REV1: variants seen among roughly 807,000 people sequenced by gnomAD.
The protein encoded by REV1 is translesion synthesis protein REV1.
Under a neutral mutation model 137.4 loss-of-function variants are expected in REV1, and 42 were observed. The observed-to-expected ratio is 0.31, with a 90% CI of 0.24 to 0.40. The LOEUF (loss-of-function observed/expected upper bound fraction) is 0.40, where lower values mean the gene tolerates loss of function less well. Ranked by LOEUF, REV1 falls within the 10% of genes least tolerant of loss-of-function variation. REV1 has a pLI of 1.00. For synonymous variants in REV1, 524 were observed against 519.2 expected, an observed-to-expected ratio of 1.01 and a Z score of -0.12; for missense variants, 1,282 against 1,490.1, an observed-to-expected ratio of 0.86 and a Z score of 2.30.
chr2:99,483,293 A>G (rs1686813661), intron 1 of REV1, among the ~76,000 whole-genome samples: 1 of 152,228 alleles, frequency 6.6e-6, no homozygotes, highest in Non-Finnish European at 1.5e-5. Context: ...GTCCATTCCT[A>G]GAAATAGCAA....
intron 6 of REV1, 106 bp downstream of exon 6, chr2:99,438,491 TAGAG>T (rs1183482008): frequency 2.7e-6 from 2 of 739,202 alleles, no homozygotes; most frequent in Non-Finnish European, 4.5e-6. Context: ...TTGACATACT[TAGAG>T]ACTTTTATGA....
rs374888832 is a variant in REV1 at position 99,459,025 on chromosome 2, G to A, written c.181+3471C>T. On this transcript the variant is annotated intron_variant, in intron 3 of 22. Coordinates refer to ENST00000258428, the MANE Select transcript of REV1 (RefSeq NM_016316.4). ...AGATCAAGACCATACTGGCTAACAC[G>A]GTGAAACCCCGTCTCTACTAAAAAT... Among the ~76,000 whole-genome samples the A allele has an allele frequency of 1.2e-4, 19 of 152,108 alleles. 1 individual carries two copies. The highest frequency in any genetic ancestry group is 7.2e-4 in the Admixed American group (11 of 15,282).
At chr2:99,476,252 C>A (rs1198179551) in intron 1 of REV1, among the ~76,000 whole-genome samples, 1 of 152,078 alleles carries the variant, frequency 6.6e-6, no homozygotes, top group Non-Finnish European at 1.5e-5. Flanking sequence ...GGGAGGTAAC[C>A]TCTAAGCCCT....
chr2:99,454,906 C>A (rs1320425242), intron 3 of REV1, among the ~76,000 whole-genome samples: 3 of 152,170 alleles, frequency 2.0e-5, no homozygotes, highest in African/African-American at 2.4e-5. Flanking sequence ...ATTTAGCCCA[C>A]GTTTAGACCT....
In REV1 at chr2:99,449,321, A is replaced by C. The variant is rs747424620; in HGVS notation, c.350+15T>G. ...TTTAAAAATTTATTAATTAAATTTA[A>C]TAAATTAAACTTACCTTTCCACAAT... On this transcript the variant is annotated intron_variant, in intron 4 of 22. Transcript: ENST00000258428. 3.7e-5 allele frequency: 52 copies of C among 1,412,094 alleles called. No homozygotes were observed. Among genetic ancestry groups the C allele is most frequent in the Admixed American group, 1.3e-4 (5 of 39,556 alleles). The allele number at this position is 1,412,094 out of a possible 1,614,324, so 87.5% of individuals were successfully genotyped here. A position where few individuals can be genotyped will look rare whatever the true frequency, so the allele number is the denominator to read the frequency against.
At chr2:99,477,646 T>C (rs1248354426) in intron 1 of REV1, among the ~76,000 whole-genome samples, 1 of 152,220 alleles carries the variant, frequency 6.6e-6, no homozygotes, top group Non-Finnish European at 1.5e-5. Context: ...ATGTACTGTA[T>C]AAAAAATATT....
intron 8 of REV1, among the ~76,000 whole-genome samples, chr2:99,430,265 G>A (rs1679951045): frequency 1.3e-5 from 2 of 152,000 alleles, no homozygotes; most frequent in Non-Finnish European, 2.9e-5. Context: ...ACATGGATGA[G>A]AAGTGATCAG....
chr2:99,488,089 G>T lies in REV1; in HGVS notation c.-11+1728C>A, dbSNP rs1022234705. The stretch of plus-strand genomic sequence containing the variant: ...GTAGGGCCAGAAATCTAACCTCCAT[G>T]TAACTGTGAACTTCCTGTCTTTCCA... On this transcript the variant is annotated intron_variant, in intron 1 of 22. Coordinates refer to ENST00000258428, the MANE Select transcript of REV1 (RefSeq NM_016316.4). Among the ~76,000 whole-genome samples, 3 of 118,652 alleles carry T rather than the reference G, an allele frequency of 2.5e-5. 1 individual carries two copies. Among genetic ancestry groups the T allele is most frequent in the African/African-American group, 9.1e-5 (3 of 33,094 alleles). The allele number at this position is 118,652 out of a possible 152,430, so 77.8% of individuals were successfully genotyped here. A position where few individuals can be genotyped will look rare whatever the true frequency, so the allele number is the denominator to read the frequency against.
chr2:99,474,918 A>G (rs1003404998), intron 1 of REV1, among the ~76,000 whole-genome samples: 2 of 152,094 alleles, frequency 1.3e-5, no homozygotes, highest in Non-Finnish European at 2.9e-5. Flanking sequence ...GAAAAAAAAA[A>G]AAGAAGTAGA....
At chr2:99,452,703 G>A (rs943508659) in intron 3 of REV1, among the ~76,000 whole-genome samples, 1 of 152,214 alleles carries the variant, frequency 6.6e-6, no homozygotes, top group Non-Finnish European at 1.5e-5. Context: ...GGTGCTCAGT[G>A]AGTATTTGCT....
chr2:99,464,805 A>G, intron 2 of REV1, 117 bp downstream of exon 2: 1 of 928,780 alleles, frequency 1.1e-6, no homozygotes, highest in Non-Finnish European at 1.7e-6. Flanking sequence ...GAAAACTCAA[A>G]GATGTGGTGT....
intron 6 of REV1, among the ~76,000 whole-genome samples, chr2:99,437,042 GC>G (rs1284973492): frequency 6.1e-5 from 9 of 147,076 alleles, no homozygotes; most frequent in Non-Finnish European, 1.3e-4. Context: ...AGTCTGGAGT[GC>G]AGTGGTGCGA....
chr2:99,407,457 AAGG>A (rs201333281), intron 15 of REV1, among the ~76,000 whole-genome samples: 2,089 of 151,682 alleles, frequency 0.014, 21 homozygotes, highest in South Asian at 0.04. Flanking sequence ...GAGGCTGAAG[AAGG>A]AGAATTGCTT....
intron 22 of REV1, among the ~76,000 whole-genome samples, chr2:99,401,909 T>C (rs1246760175): frequency 1.3e-5 from 2 of 151,674 alleles, no homozygotes; most frequent in Non-Finnish European, 2.9e-5. Context: ...CCCCAGATTA[T>C]TTATTTTTTG....
rs1431989081 is a variant in REV1 at position 99,421,508 on chromosome 2, C to A, written c.1822G>T (p.Val608Phe). 6.2e-7 allele frequency: 1 copy of A among 1,613,668 alleles called. No homozygotes were observed. Among genetic ancestry groups the A allele is most frequent in the African/African-American group, 1.3e-5 (1 of 74,924 alleles). The change falls in exon 11 of 23, where the codon GTT becomes TTT. Residue 608 changes from valine (V) to phenylalanine (F), a missense_variant. By Grantham distance (50) the Val-to-Phe change is conservative. Around this residue, in one of 7 missense-constraint regions of REV1, gnomAD observed 372 missense variants for 482.3 expected, o/e 0.77. Coordinates refer to ENST00000258428, the MANE Select transcript of REV1 (RefSeq NM_016316.4). ...TAAGCTAGATACTAACCAATTCCAACAGAGGCAGCACATTTCGTCTGGTCT... is the reference window on the plus strand; with the variant it reads ...TAAGCTAGATACTAACCAATTCCAAAAGAGGCAGCACATTTCGTCTGGTCT... ...IKDQTKCAAS[V>F]GIGSNILLAR...
At chr2:99,407,396 C>A (rs1337143911) in intron 15 of REV1, among the ~76,000 whole-genome samples, 1 of 151,136 alleles carries the variant, frequency 6.6e-6, no homozygotes, top group African/African-American at 2.4e-5. Flanking sequence ...ACCAAAAATA[C>A]AAAAAATTAG....
intron 9 of REV1, among the ~76,000 whole-genome samples, chr2:99,426,102 T>G (rs1474691955): frequency 6.6e-6 from 1 of 151,586 alleles, no homozygotes; most frequent in Non-Finnish European, 1.5e-5. Flanking sequence ...TCCCAGCACT[T>G]TGGGAGGCCG....
chr2:99,408,720 TCCTTCAGAG>T (rs1181283894), intron 14 of REV1, among the ~76,000 whole-genome samples: 1 of 152,218 alleles, frequency 6.6e-6, no homozygotes, highest in African/African-American at 2.4e-5. Flanking sequence ...ACCCACCATT[TCCTTCAGAG>T]CCTTTTGAGC....
intron 1 of REV1, among the ~76,000 whole-genome samples, chr2:99,475,226 C>T (rs551375130): frequency 6.6e-6 from 1 of 152,298 alleles, no homozygotes; most frequent in South Asian, 2.1e-4. Context: ...GTCTGGTTTC[C>T]ATTGGCTGGA....
Sources: gnomAD v4.1 joint callset for allele counts (sites outside exome capture counted in the v4.1 genomes callset) on GRCh38, gnomAD v4.1.1 for gene constraint, gnomAD v4.1.1 regional missense constraint, MANE v1.5 for transcripts, NCBI Gene and HGNC (gene_info 2026-07-23, HGNC 2026-07-21) for gene names.